HIPK2: variants seen among roughly 807,000 people sequenced by gnomAD.
HIPK2 encodes the protein homeodomain interacting protein kinase 2, also known as homeodomain-interacting protein kinase 2.
HIPK2 carries 27 observed loss-of-function variants against 113.7 expected under a neutral mutation model. The ratio of observed to expected loss-of-function variants is 0.24; its 90% CI spans 0.17 to 0.33. The LOEUF (loss-of-function observed/expected upper bound fraction) is 0.33, where lower values mean the gene tolerates loss of function less well. HIPK2 is among the 10% of genes least tolerant of loss of function. HIPK2 has a pLI of 1.00. For synonymous variants in HIPK2, 631 were observed against 642.2 expected (o/e 0.98, Z 0.26); for missense variants, 1,257 against 1,588.0 (o/e 0.79, Z 3.54).
intron 2 of HIPK2, among the ~76,000 whole-genome samples, chr7:139,635,594 C>G (rs1057233013): frequency 2.6e-5 from 4 of 152,222 alleles, no homozygotes; most frequent in African/African-American, 9.6e-5. Flanking sequence ...AAATGGCAGC[C>G]ATTCACGGTA....
intron 9 of HIPK2, among the ~76,000 whole-genome samples, chr7:139,607,563 C>T: frequency 6.6e-6 from 1 of 151,924 alleles, no homozygotes; most frequent in East Asian, 1.9e-4. Context: ...ATACAGAAAA[C>T]TAACCCAATG....
rs140368867 is a variant in HIPK2, at chr7:139,765,300, T to C, written c.19+12305A>G. On this transcript the variant is annotated intron_variant, in intron 1 of 14. Transcript: ENST00000406875. ...TAGAATTACACTGAGGAATAACTCA[T>C]GATAGTAAATAACCTTAACATTTGG... Among the ~76,000 whole-genome samples, 368 of 152,302 alleles carry C rather than the reference T, an allele frequency of 2.4e-3. 4 individuals carry two copies. The highest frequency in any genetic ancestry group is 8.4e-3 in the African/African-American group (350 of 41,570).
At position 139,604,182 on chromosome 7, in the gene HIPK2, T is replaced by A; in HGVS notation, c.2154A>T (p.Pro718=). The A allele has an allele frequency of 6.2e-7, 1 of 1,613,864 alleles. No homozygotes were observed. The highest frequency in any genetic ancestry group is 8.5e-7 in the Non-Finnish European group (1 of 1,179,794). The stretch of plus-strand genomic sequence containing the variant: ...CCACTCCAGTCAGTTGCTGCCATGC[T>A]GGGGGAAGCAGGATCTGCTGGGTCC... ...PSGTQQILLP[P]AWQQLTGVAT... Residue 718 remains proline, a synonymous_variant, in exon 10 of 15, where the codon CCA becomes CCT. Transcript: ENST00000406875.
chr7:139,571,145 A>T lies in HIPK2; in HGVS notation c.*1782T>A, dbSNP rs1400962112. On this transcript the variant is annotated 3_prime_UTR_variant, in exon 15 of 15. Coordinates refer to ENST00000406875, the MANE Select transcript of HIPK2 (RefSeq NM_022740.5). Reference sequence around the variant, plus strand: ...ACCCTCAGAAACCAAAACCAAAATCATGTCTTGAGCAGACCTGGGTAATGT... The same window carrying T: ...ACCCTCAGAAACCAAAACCAAAATCTTGTCTTGAGCAGACCTGGGTAATGT... The T allele has an allele frequency of 6.6e-6, 1 of 152,322 alleles. No homozygotes were observed. The highest frequency in any genetic ancestry group is 1.5e-5 in the Non-Finnish European group (1 of 68,098). The allele number at this position is 152,322 out of a possible 1,614,324, so 9.4% of individuals were successfully genotyped here. A position where few individuals can be genotyped will look rare whatever the true frequency, so the allele number is the denominator to read the frequency against.
At chr7:139,622,267 G>A (rs1250658296) in intron 6 of HIPK2, among the ~76,000 whole-genome samples, 1 of 152,204 alleles carries the variant, frequency 6.6e-6, no homozygotes, top group Non-Finnish European at 1.5e-5. Flanking sequence ...TTTACGGACT[G>A]ATGATGCTGA....
In HIPK2 at chr7:139,716,328, T is replaced by C; in HGVS notation, c.707A>G (p.Tyr236Cys). 1.2e-6 allele frequency: 2 copies of C among 1,614,150 alleles called. No individual in the cohort carries two copies. Among genetic ancestry groups the C allele is most frequent in the Non-Finnish European group, 8.5e-7 (1 of 1,180,014 alleles). ...CACTTCAATCTGACCTTGTCGGGCA[T>C]AGGATGGGTGGTTCTTCAGGATCTT... is the stretch of plus-strand genomic sequence containing the variant. ...AIKILKNHPS[Y>C]ARQGQIEVSI... Residue 236 changes from tyrosine (Y) to cysteine (C), a missense_variant, in exon 2 of 15, where the codon TAT (tyrosine) becomes TGT (cysteine). Tyr to Cys is a radical substitution (Grantham distance 194). Transcript: ENST00000406875. This position sits in a 1 kb window ranked among gnomAD's most constrained non-coding sequence, Gnocchi z 9.3.
intron 2 of HIPK2, among the ~76,000 whole-genome samples, chr7:139,660,929 A>G (rs995189381): frequency 1.3e-5 from 2 of 152,170 alleles, no homozygotes; most frequent in Non-Finnish European, 2.9e-5. Flanking sequence ...AAAACTCCAA[A>G]GAACACGCAC....
In HIPK2 at chr7:139,568,935, CCCTTCGGTGA is replaced by C; in HGVS notation, c.*3982_*3991del. On this transcript the variant is annotated 3_prime_UTR_variant, in exon 15 of 15. Coordinates refer to ENST00000406875, the MANE Select transcript of HIPK2 (RefSeq NM_022740.5). ...CATCGCCCAATACTTCCCTTCCCTT[CCCTTCGGTGA>C]AGCTGGCTATTTCACCCCTTTCTTC... 1.3e-5 allele frequency: 2 copies of C among 152,660 alleles called. No homozygotes were observed. The highest frequency in any genetic ancestry group is 4.1e-4 in the South Asian group (2 of 4,822). The allele number at this position is 152,660 out of a possible 1,614,324, so 9.5% of individuals were successfully genotyped here.
At position 139,716,874 on chromosome 7, in the gene HIPK2, C is replaced by T. The variant is rs749182137; in HGVS notation, c.161G>A (p.Ser54Asn). 3 of 1,613,860 alleles carry T rather than the reference C, an allele frequency of 1.9e-6. No individual in the cohort carries two copies. The highest frequency in any genetic ancestry group is 2.2e-5 in the East Asian group (1 of 44,872). Residue 54 changes from serine to asparagine, a missense_variant, in exon 2 of 15, where the codon AGC becomes AAC. By Grantham distance (46) the Ser-to-Asn change is conservative. Around this residue, in one of 5 missense-constraint regions of HIPK2, gnomAD observed 209 missense variants for 237.8 expected, o/e 0.88. Coordinates refer to ENST00000406875, the MANE Select transcript of HIPK2 (RefSeq NM_022740.5). This position sits in a 1 kb window ranked among gnomAD's most constrained non-coding sequence, Gnocchi z 9.3. ...YGSHSKVYSQ[S>N]KNIPLSQPAT... Reference sequence around the variant, plus strand: ...TGGCTGCGACAGGGGGATGTTCTTGCTCTGGCTATACACTTTGCTGTGGGA... The same window carrying T: ...TGGCTGCGACAGGGGGATGTTCTTGTTCTGGCTATACACTTTGCTGTGGGA...
In HIPK2 at chr7:139,572,967, G is replaced by A; in HGVS notation, c.3557C>T (p.Pro1186Leu). 6.3e-7 allele frequency: 1 copy of A among 1,594,534 alleles called. No homozygotes were observed. The highest frequency in any genetic ancestry group is 1.3e-5 in the African/African-American group (1 of 74,338). The change falls in exon 15 of 15, where the codon CCA (proline) becomes CTA (leucine). Residue 1186 changes from proline (P) to leucine (L), a missense_variant. Pro to Leu is a moderately conservative substitution (Grantham distance 98). Transcript: ENST00000406875. ...CTGGTTGACCTTGGCGGGGCTCAGT[G>A]GGTATCCAGTGTAGACGGTGGAGGC... is the stretch of plus-strand genomic sequence containing the variant. ...SPASTVYTGY[P>L]LSPAKVNQYP... is the part of the protein sequence containing the mutation.
intron 11 of HIPK2, among the ~76,000 whole-genome samples, chr7:139,598,834 T>C (rs1367542474): frequency 6.6e-6 from 1 of 152,192 alleles, no homozygotes; most frequent in Admixed American, 6.5e-5. Context: ...TGACAGCCCA[T>C]GAGGATTGAG....
chr7:139,705,886 C>A (rs531366072), intron 2 of HIPK2, among the ~76,000 whole-genome samples: 1 of 151,558 alleles, frequency 6.6e-6, no homozygotes, highest in African/African-American at 2.4e-5. Context: ...GTGCCAGGCA[C>A]GGGTTGAGCA....
At chr7:139,597,685 T>C (rs940039705) in intron 11 of HIPK2, among the ~76,000 whole-genome samples, 4 of 152,238 alleles carry the variant, frequency 2.6e-5, no homozygotes, top group Admixed American at 1.3e-4. Flanking sequence ...TTAGTCTAAA[T>C]TGTAATAGAA....
chr7:139,771,772 G>A (rs577493809), intron 1 of HIPK2, among the ~76,000 whole-genome samples: 67 of 152,280 alleles, frequency 4.4e-4, no homozygotes, highest in African/African-American at 1.5e-3. Context: ...GAGTTCAGAA[G>A]AGAGAAAGGA....
chr7:139,729,289 CAT>C (rs1190832193), intron 1 of HIPK2, among the ~76,000 whole-genome samples: 1 of 139,890 alleles, frequency 7.1e-6, no homozygotes, highest in Non-Finnish European at 1.5e-5. Flanking sequence ...TGCAACACTG[CAT>C]TCCAGCCTGG....
intron 1 of HIPK2, among the ~76,000 whole-genome samples, chr7:139,751,387 C>T (rs1796275153): frequency 6.6e-6 from 1 of 152,162 alleles, no homozygotes; most frequent in Admixed American, 6.5e-5. Flanking sequence ...GACTCAAGAA[C>T]CAATCCTGGC....
chr7:139,673,911 A>G (rs1802399714), intron 2 of HIPK2, among the ~76,000 whole-genome samples: 1 of 93,958 alleles, frequency 1.1e-5, no homozygotes, highest in Non-Finnish European at 2.4e-5. Flanking sequence ...AAAAAAAAAA[A>G]AAAAAAAATT....
rs376504995 is a variant in HIPK2 at position 139,749,837 on chromosome 7, C to T, written c.19+27768G>A. Among the ~76,000 whole-genome samples, 8 of 152,198 alleles carry T rather than the reference C, an allele frequency of 5.3e-5. No individual in the cohort carries two copies. The East Asian group carries it at 1.5e-3, about 29-fold the overall frequency. On this transcript the variant is annotated intron_variant, in intron 1 of 14. Coordinates refer to ENST00000406875, the MANE Select transcript of HIPK2 (RefSeq NM_022740.5). ...CAGTTCATACTGTCCTGGCACTGTC[C>T]ACTCCCAACATCTTCACAAGGACAG...
chr7:139,752,846 C>T (rs750120655), intron 1 of HIPK2, among the ~76,000 whole-genome samples: 3 of 152,206 alleles, frequency 2.0e-5, no homozygotes, highest in Non-Finnish European at 4.4e-5. Flanking sequence ...CTCAAAATTC[C>T]TGAACTTCCC....
Sources: gnomAD v4.1 joint callset for allele counts (sites outside exome capture counted in the v4.1 genomes callset) on GRCh38, gnomAD v4.1.1 for gene constraint, gnomAD v4.1.1 regional missense constraint, Gnocchi (gnomAD v3.1) non-coding constraint, MANE v1.5 for transcripts, NCBI Gene and HGNC (gene_info 2026-07-23, HGNC 2026-07-21) for gene names.